The following SPATA13 variants were observed in gnomAD, a reference collection of about 807,000 sequenced individuals.
The protein encoded by SPATA13 is spermatogenesis associated 13.
SPATA13 carries 50 observed loss-of-function variants against 104.0 expected under a neutral mutation model. The ratio of observed to expected loss-of-function variants is 0.48; its 90% CI spans 0.38 to 0.61. SPATA13 has a LOEUF of 0.61. Among genes scored for constraint, SPATA13 ranks in the 20% least tolerant of loss-of-function variants. SPATA13 has a pLI of 0.00. For missense variants in SPATA13, 1,524 were observed against 1,690.6 expected, an observed-to-expected ratio of 0.90 and a Z score of 1.73; for synonymous variants, 606 against 667.5, an observed-to-expected ratio of 0.91 and a Z score of 1.42.
At position 24,011,949 on chromosome 13, in the gene SPATA13, C is replaced by A. The variant is rs1176803725; in HGVS notation, c.-146-5718C>A. ...GCTTCAATGTGCACCTCCGCCTCCC[C>A]CTACGGATTGTAAAACTCACAGGCA... On this transcript the variant is annotated intron_variant, in intron 2 of 14. Coordinates refer to the SPATA13 transcript ENST00000424834. The surrounding 1 kb of genome is among the most constrained non-coding windows in gnomAD (Gnocchi z 4.3). Among the ~76,000 whole-genome samples the A allele has an allele frequency of 6.6e-6, 1 of 152,234 alleles. No homozygotes were observed. Among genetic ancestry groups the A allele is most frequent in the African/African-American group, 2.4e-5 (1 of 41,464 alleles).
chr13:24,289,547 A>T (rs1041942904), intron 8 of SPATA13, among the ~76,000 whole-genome samples: 12 of 152,166 alleles, frequency 7.9e-5, no homozygotes, highest in African/African-American at 2.9e-4. Context: ...GTTTTCTTAT[A>T]TTAGCTTGTG....
chr13:24,021,244 A>G (rs1312322070), intron 3 of SPATA13, among the ~76,000 whole-genome samples: 1 of 152,252 alleles, frequency 6.6e-6, no homozygotes, highest in Non-Finnish European at 1.5e-5. Context: ...GAGTATTCCA[A>G]GTGCGGAGCA....
chr13:24,187,715 A>G (rs933914033), intron 1 of SPATA13, among the ~76,000 whole-genome samples: 3 of 152,180 alleles, frequency 2.0e-5, no homozygotes, highest in Non-Finnish European at 2.9e-5. Context: ...AACTACACCT[A>G]TATAAGATGG....
At chr13:24,055,594 G>A (rs1219498393) in intron 3 of SPATA13, among the ~76,000 whole-genome samples, 2 of 152,218 alleles carry the variant, frequency 1.3e-5, no homozygotes, top group Admixed American at 1.3e-4. Context: ...AGGCTGCAGG[G>A]ATTCTGGGAT....
chr13:24,274,225 C>T (rs1283512750), intron 4 of SPATA13, among the ~76,000 whole-genome samples: 2 of 152,194 alleles, frequency 1.3e-5, no homozygotes, highest in East Asian at 3.8e-4. Flanking sequence ...GGCATATGTC[C>T]TAGAACAACC....
chr13:24,075,329 C>T (rs1435826466), intron 3 of SPATA13, among the ~76,000 whole-genome samples: 3 of 152,048 alleles, frequency 2.0e-5, no homozygotes, highest in Non-Finnish European at 4.4e-5. Context: ...GCCTGGATCT[C>T]GGTTTGGCAA....
At position 24,086,226 on chromosome 13, in the gene SPATA13, A is replaced by G. The variant is rs951988221; in HGVS notation, c.-112+68525A>G. On this transcript the variant is annotated intron_variant, in intron 3 of 14. Transcript: ENST00000424834. The stretch of plus-strand genomic sequence containing the variant: ...TACGTTTGAATTTCAGATAAACAAC[A>G]AATATCTTTTAGTGTAAGTGTATCA... Among the ~76,000 whole-genome samples the G allele has an allele frequency of 2.0e-5, 3 of 152,224 alleles. No homozygotes were observed. In the East Asian group the frequency reaches 5.8e-4, roughly 29 times the overall value.
intron 10 of SPATA13, among the ~76,000 whole-genome samples, chr13:24,295,677 C>G (rs1876728047): frequency 1.2e-5 from 1 of 85,070 alleles, no homozygotes; most frequent in Non-Finnish European, 2.7e-5. Flanking sequence ...CTCACTCTCT[C>G]TCTCTCTCTC....
intron 2 of SPATA13, among the ~76,000 whole-genome samples, chr13:24,241,656 G>A (rs932032594): frequency 1.3e-5 from 2 of 152,210 alleles, no homozygotes; most frequent in Admixed American, 6.5e-5. Context: ...GGTTGGCCCC[G>A]TTTATGGGGC....
Position 24,118,574 on chromosome 13 carries a change from C to T in SPATA13, c.-112+100873C>T, listed in dbSNP as rs550428943. The stretch of plus-strand genomic sequence containing the variant: ...ATTAAAACACAGATGACTTAAGCCC[C>T]ACCCCCTGAATTTCTGACCCAGTGG... On this transcript the variant is annotated intron_variant, in intron 3 of 14. Coordinates refer to the SPATA13 transcript ENST00000424834. Among the ~76,000 whole-genome samples the T allele has an allele frequency of 2.6e-5, 4 of 152,262 alleles. No homozygotes were observed. The East Asian group carries it at 7.7e-4, about 29-fold the overall frequency.
At chr13:24,064,991 C>CAGGAGAGCTA (rs11282008) in intron 3 of SPATA13, among the ~76,000 whole-genome samples, 1 of 151,858 alleles carries the variant, frequency 6.6e-6, no homozygotes, top group Non-Finnish European at 1.5e-5. Flanking sequence ...TCACAGGCCA[C>CAGGAGAGCTA]AGGAGCCAGG....
intron 3 of SPATA13, among the ~76,000 whole-genome samples, chr13:24,050,097 C>G (rs1566085834): frequency 3.3e-5 from 5 of 152,086 alleles, no homozygotes; most frequent in Non-Finnish European, 7.4e-5. Context: ...GTCTCGAACT[C>G]CTGACCTTGT....
At chr13:24,052,303 CTGAGGCCAGAGGATTGCT>C (rs1372992546) in intron 3 of SPATA13, among the ~76,000 whole-genome samples, 22 of 152,206 alleles carry the variant, frequency 1.4e-4, no homozygotes, top group African/African-American at 5.3e-4. Context: ...ATTTGAGAGG[CTGAGGCCAGAGGATTGCT>C]TGAGGCCAGG....
chr13:24,006,806 G>C (rs892469263), intron 2 of SPATA13, among the ~76,000 whole-genome samples: 2 of 152,228 alleles, frequency 1.3e-5, no homozygotes, highest in Admixed American at 1.3e-4. Flanking sequence ...TCTGACAAGG[G>C]CTGCTGTTCT....
chr13:24,148,035 T>C (rs1298875251), intron 3 of SPATA13, among the ~76,000 whole-genome samples: 2 of 152,266 alleles, frequency 1.3e-5, no homozygotes, highest in East Asian at 3.8e-4. Flanking sequence ...TTGGCTTTTG[T>C]GAATAATGCT....
chr13:24,138,074 T>G (rs1381540003), intron 3 of SPATA13, among the ~76,000 whole-genome samples: 1 of 151,392 alleles, frequency 6.6e-6, no homozygotes, highest in Non-Finnish European at 1.5e-5. Context: ...GCCAGGCAGG[T>G]GGATCACCTG....
At chr13:24,005,623 G>A (rs935092715) in intron 2 of SPATA13, among the ~76,000 whole-genome samples, 5 of 152,064 alleles carry the variant, frequency 3.3e-5, no homozygotes, top group African/African-American at 1.2e-4. Flanking sequence ...GTGGGAGAGG[G>A]ATGGGGGAGA....
In SPATA13 at chr13:24,296,511, A is replaced by G. The variant is rs571899186; in HGVS notation, c.3211-852A>G. Among the ~76,000 whole-genome samples, 5 of 152,286 alleles carry G rather than the reference A, an allele frequency of 3.3e-5. No individual in the cohort carries two copies. In the South Asian group the frequency reaches 8.3e-4, roughly 25 times the overall value. On this transcript the variant is annotated intron_variant, in intron 10 of 12. Transcript: ENST00000382108. ...GTCAGAAGTTAATTTCTTGCTGACA[A>G]TTTATCGTCTGGCCTTTTGTTTCTA...
At chr13:24,003,570 A>G (rs1876081233) in intron 2 of SPATA13, among the ~76,000 whole-genome samples, 1 of 152,230 alleles carries the variant, frequency 6.6e-6, no homozygotes, top group Non-Finnish European at 1.5e-5. Flanking sequence ...AAGAAACAGA[A>G]CTAAGATTAG....
Sources: allele counts gnomAD v4.1 joint callset (sites outside exome capture counted in the v4.1 genomes callset), GRCh38; gene constraint gnomAD v4.1.1; non-coding constraint Gnocchi (gnomAD v3.1); transcripts MANE v1.5; gene names NCBI Gene and HGNC (gene_info 2026-07-23, HGNC 2026-07-21).